SRFBP1: variants seen among roughly 807,000 people sequenced by gnomAD.
SRFBP1 encodes serum response factor binding protein 1, also known as serum response factor-binding protein 1.
SRFBP1 carries 47 observed loss-of-function variants against 45.5 expected under a neutral mutation model. The observed-to-expected ratio is 1.03, with a 90% CI of 0.82 to 1.32. The LOEUF (loss-of-function observed/expected upper bound fraction) is 1.32, where lower values mean the gene tolerates loss of function less well. Ranked by LOEUF, SRFBP1 falls within the 40% of genes most tolerant of loss-of-function variation. The probability of loss-of-function intolerance (pLI) is 0.00; values close to 1 mark genes in which losing one functional copy is unlikely to be tolerated. For synonymous variants in SRFBP1, 203 were observed against 166.3 expected, an observed-to-expected ratio of 1.22 and a Z score of -1.70; for missense variants, 621 against 484.6, an observed-to-expected ratio of 1.28 and a Z score of -2.64.
chr5:121,999,889 T>G (rs957894121), intron 4 of SRFBP1, among the ~76,000 whole-genome samples: 1 of 152,146 alleles, frequency 6.6e-6, no homozygotes, highest in African/African-American at 2.4e-5. Context: ...TTTTATCCAA[T>G]CTGATAATCT....
chr5:122,011,378 C>G (rs1753090391), intron 4 of SRFBP1, among the ~76,000 whole-genome samples: 1 of 151,984 alleles, frequency 6.6e-6, no homozygotes, highest in African/African-American at 2.4e-5. Context: ...GAGAATTTTC[C>G]ATGGCAAACA....
intron 2 of SRFBP1, among the ~76,000 whole-genome samples, chr5:122,071,887 A>G (rs1025112702): frequency 3.3e-5 from 5 of 152,174 alleles, no homozygotes; most frequent in African/African-American, 1.2e-4. Flanking sequence ...AGAGCACACA[A>G]TAGCACAGAC....
chr5:122,054,431 G>A (rs925155527), intron 2 of SRFBP1, among the ~76,000 whole-genome samples: 17 of 152,184 alleles, frequency 1.1e-4, no homozygotes, highest in African/African-American at 3.9e-4. Flanking sequence ...GGTCCCCAGT[G>A]TGGTTTCTCA....
chr5:122,065,729 C>T (rs1754280997), intron 2 of SRFBP1: 1 of 151,996 alleles, frequency 6.6e-6, no homozygotes, highest in Non-Finnish European at 1.5e-5. Flanking sequence ...ATCTAGAAAA[C>T]TTGAAAAATC....
chr5:122,026,391 T>G (rs1056976195), intron 7 of SRFBP1, among the ~76,000 whole-genome samples: 4 of 152,228 alleles, frequency 2.6e-5, no homozygotes, highest in Non-Finnish European at 5.9e-5. Context: ...GAACTTTGTC[T>G]TATATTCTTG....
intron 4 of SRFBP1, among the ~76,000 whole-genome samples, chr5:122,008,089 C>T (rs1753014998): frequency 6.6e-6 from 1 of 152,098 alleles, no homozygotes; most frequent in Non-Finnish European, 1.5e-5. Context: ...TATCCTGGAG[C>T]CTGGGACCTG....
intron 2 of SRFBP1, among the ~76,000 whole-genome samples, chr5:122,075,038 T>C (rs1271640364): frequency 6.6e-6 from 1 of 152,234 alleles, no homozygotes; most frequent in East Asian, 1.9e-4. Flanking sequence ...GGTTTCTGAA[T>C]GCTTGTGATA....
intron 2 of SRFBP1, among the ~76,000 whole-genome samples, chr5:122,056,940 G>A (rs975889035): frequency 6.6e-6 from 1 of 152,194 alleles, no homozygotes; most frequent in Non-Finnish European, 1.5e-5. Flanking sequence ...CAGTGAAGAG[G>A]ACAATTGGGA....
intron 3 of SRFBP1, among the ~76,000 whole-genome samples, chr5:121,985,423 G>T (rs1195620542): frequency 6.6e-6 from 1 of 151,384 alleles, no homozygotes; most frequent in African/African-American, 2.4e-5. Flanking sequence ...TTCTATTCAT[G>T]AAGTCTGTGT....
intron 1 of SRFBP1, among the ~76,000 whole-genome samples, chr5:121,971,636 A>G (rs1335301961): frequency 1.3e-5 from 2 of 152,052 alleles, no homozygotes; most frequent in Non-Finnish European, 2.9e-5. Flanking sequence ...GGCAAATTAA[A>G]TATGCACACA....
chr5:122,076,381 A>C (rs1401350808), downstream of SRFBP1, among the ~76,000 whole-genome samples: 1 of 152,182 alleles, frequency 6.6e-6, no homozygotes, highest in Admixed American at 6.5e-5. Context: ...TAGTGGAAAA[A>C]CAAAGCTCTT....
Position 122,024,270 on chromosome 5 carries a change from C to G in SRFBP1, c.1105+1863C>G, listed in dbSNP as rs115467216. 8.3e-3 allele frequency among the ~76,000 whole-genome samples: 1,270 copies of G among 152,284 alleles called. 4 individuals carry two copies. The highest frequency in any genetic ancestry group is 0.022 in the South Asian group (104 of 4,822). On this transcript the variant is annotated intron_variant, in intron 7 of 7. Coordinates refer to ENST00000339397, the MANE Select transcript of SRFBP1 (RefSeq NM_152546.3). Reference sequence around the variant, plus strand: ...TCACTGACAACAGTTTTACCTATTTCTTTGGCACATGGGTTGCTTACTTCT... The same window carrying G: ...TCACTGACAACAGTTTTACCTATTTGTTTGGCACATGGGTTGCTTACTTCT...
At chr5:122,066,811 C>G in intron 2 of SRFBP1, 1 of 1,034,252 alleles carries the variant, frequency 9.7e-7, no homozygotes, top group Middle Eastern at 2.2e-4. Context: ...ATGAGTACAA[C>G]AGACAAATTT....
intron 2 of SRFBP1, among the ~76,000 whole-genome samples, chr5:122,061,246 A>G (rs1405931764): frequency 6.6e-6 from 1 of 151,792 alleles, no homozygotes; most frequent in African/African-American, 2.4e-5. Context: ...ATCAGACTCT[A>G]TCGTTAAATT....
At chr5:122,026,910 TA>T (rs756523762) in intron 7 of SRFBP1, 31 bp from the exon 8 acceptor site, 14 of 1,496,542 alleles carry the variant, frequency 9.4e-6, no homozygotes, top group Non-Finnish European at 1.3e-5. Context: ...TTTAAGTATA[TA>T]GTTATTATTA....
chr5:122,012,881 A>G (rs541187019), intron 4 of SRFBP1, among the ~76,000 whole-genome samples: 19 of 152,218 alleles, frequency 1.2e-4, no homozygotes, highest in Admixed American at 1.3e-4. Context: ...CCTCATTATC[A>G]GTTGTGAACT....
rs183861293 is a variant in SRFBP1 at position 121,979,865 on chromosome 5, C to T, written c.198+4478C>T. 3.3e-5 allele frequency among the ~76,000 whole-genome samples: 5 copies of T among 152,288 alleles called. No homozygotes were observed. In the East Asian group the frequency reaches 9.6e-4, roughly 29 times the overall value. ...TAATATCCTAAGGTTATATAGCTTA[C>T]ATGATGTTCTCCAGTGTGCCAGGCT... On this transcript the variant is annotated intron_variant, in intron 3 of 7. Transcript: ENST00000339397.
chr5:122,035,017 T>C (rs1287015542), intron 2 of SRFBP1, among the ~76,000 whole-genome samples: 1 of 152,096 alleles, frequency 6.6e-6, no homozygotes, highest in African/African-American at 2.4e-5. Context: ...GATAGCTTTC[T>C]GTCCCTTTCC....
intron 4 of SRFBP1, among the ~76,000 whole-genome samples, chr5:122,018,149 A>G (rs948632850): frequency 2.6e-5 from 4 of 152,228 alleles, no homozygotes; most frequent in African/African-American, 4.8e-5. Flanking sequence ...AGAGATTGCA[A>G]TGGTATGGGC....
Sources: allele counts gnomAD v4.1 joint callset (sites outside exome capture counted in the v4.1 genomes callset), GRCh38; gene constraint gnomAD v4.1.1; transcripts MANE v1.5; gene names NCBI Gene and HGNC (gene_info 2026-07-23, HGNC 2026-07-21).